The following CHST11 variants were observed in gnomAD, a reference collection of about 807,000 sequenced individuals.
CHST11 encodes the protein C4S-1.
Under a neutral mutation model 30.4 loss-of-function variants are expected in CHST11, and 9 were observed. That is an observed-to-expected ratio of 0.30 (90% confidence interval 0.18 to 0.52). The LOEUF (loss-of-function observed/expected upper bound fraction) is 0.52, where lower values mean the gene tolerates loss of function less well. Ranked by LOEUF, CHST11 falls within the 20% of genes least tolerant of loss-of-function variation. The pLI is 0.97. For missense variants in CHST11, 348 were observed against 460.6 expected (o/e 0.76, Z 2.24); for synonymous variants, 152 against 187.8 (o/e 0.81, Z 1.56).
intron 2 of CHST11, among the ~76,000 whole-genome samples, chr12:104,704,097 A>G (rs1414061103): frequency 2.0e-5 from 3 of 152,222 alleles, no homozygotes; most frequent in African/African-American, 7.2e-5. Flanking sequence ...CGGAAGGTGT[A>G]GAGACGAGCC....
rs148184053 is a variant in CHST11, at chr12:104,555,864, C to G, written c.119-46042C>G. On this transcript the variant is annotated intron_variant, in intron 1 of 2. Transcript: ENST00000303694. ...GTGTTGGCAGCCGCACAAAGGCAGCCCTGGGGGCGTCCAGCCCCTGCTGCT... is the reference window on the plus strand; with the variant it reads ...GTGTTGGCAGCCGCACAAAGGCAGCGCTGGGGGCGTCCAGCCCCTGCTGCT... 5.3e-3 allele frequency among the ~76,000 whole-genome samples: 813 copies of G among 152,350 alleles called. 7 individuals are homozygous for G. Among genetic ancestry groups the G allele is most frequent in the South Asian group, 0.017 (80 of 4,826 alleles).
chr12:104,521,738 G>A (rs1166095784), intron 1 of CHST11, among the ~76,000 whole-genome samples: 2 of 152,180 alleles, frequency 1.3e-5, no homozygotes, highest in Non-Finnish European at 2.9e-5. Context: ...GTGATTCTTT[G>A]ATTCTATGCC....
intron 1 of CHST11, among the ~76,000 whole-genome samples, chr12:104,595,022 A>G (rs546551759): frequency 6.6e-6 from 1 of 152,290 alleles, no homozygotes; most frequent in African/African-American, 2.4e-5. Flanking sequence ...AATGTTAGTC[A>G]TTGCTAAGGA....
chr12:104,692,605 C>G (rs1362226722), intron 2 of CHST11, among the ~76,000 whole-genome samples: 2 of 152,136 alleles, frequency 1.3e-5, no homozygotes, highest in African/African-American at 4.8e-5. Context: ...CCTAATGCCC[C>G]TGGCCACAGA....
At chr12:104,578,200 A>G (rs2038703900) in intron 1 of CHST11, among the ~76,000 whole-genome samples, 1 of 152,204 alleles carries the variant, frequency 6.6e-6, no homozygotes, top group Non-Finnish European at 1.5e-5. Context: ...ACCTGAGGTC[A>G]CATCGCTGGT....
chr12:104,699,341 A>G (rs1481779570), intron 2 of CHST11, among the ~76,000 whole-genome samples: 2 of 152,264 alleles, frequency 1.3e-5, no homozygotes, highest in African/African-American at 4.8e-5. Context: ...AAAGAGTACA[A>G]AGAAAGTAAA....
chr12:104,593,559 T>C (rs1485362873), intron 1 of CHST11, among the ~76,000 whole-genome samples: 1 of 152,188 alleles, frequency 6.6e-6, no homozygotes, highest in African/African-American at 2.4e-5. Context: ...GGATATCGGG[T>C]CAACATTTGG....
chr12:104,573,293 G>C (rs368653755), intron 1 of CHST11, among the ~76,000 whole-genome samples: 7 of 152,068 alleles, frequency 4.6e-5, no homozygotes, highest in Admixed American at 4.6e-4. Flanking sequence ...CCCAAGGTAA[G>C]TTATAGATTC....
chr12:104,717,877 G>A (rs1332737004), intron 2 of CHST11, among the ~76,000 whole-genome samples: 2 of 152,122 alleles, frequency 1.3e-5, no homozygotes, highest in African/African-American at 4.8e-5. Flanking sequence ...TTGAACCCAG[G>A]AGGCATAGGT....
intron 2 of CHST11, among the ~76,000 whole-genome samples, chr12:104,661,110 G>T (rs1033423693): frequency 2.6e-5 from 4 of 152,132 alleles, no homozygotes; most frequent in African/African-American, 9.7e-5. Flanking sequence ...ACATAGCTTC[G>T]CCTGAGTTCT....
Position 104,475,661 on chromosome 12 carries a change from TATATATATA to T in CHST11, c.118+18133_118+18141del, listed in dbSNP as rs1565954795. Among the ~76,000 whole-genome samples the T allele has an allele frequency of 7.0e-3, 675 of 96,076 alleles. 13 individuals are homozygous for T. Among genetic ancestry groups the T allele is most frequent in the African/African-American group, 0.021 (609 of 29,056 alleles). The allele number at this position is 96,076 out of a possible 152,430, so 63.0% of individuals were successfully genotyped here. On this transcript the variant is annotated intron_variant, in intron 1 of 2. Transcript: ENST00000303694. ...GATGCCTCAGAGTAAAGCAGCATTATATATATATATATATATATATATATATATATTTCT... is the reference window on the plus strand; with the variant it reads ...GATGCCTCAGAGTAAAGCAGCATTATTATATATATATATATATATATTTCT...
chr12:104,660,670 C>T (rs1241088685), intron 2 of CHST11, among the ~76,000 whole-genome samples: 1 of 152,136 alleles, frequency 6.6e-6, no homozygotes, highest in Non-Finnish European at 1.5e-5. Flanking sequence ...CTCCTTCTAT[C>T]CCAGGCCCTT....
intron 1 of CHST11, among the ~76,000 whole-genome samples, chr12:104,468,493 G>A (rs2037479910): frequency 6.6e-6 from 1 of 152,126 alleles, no homozygotes; most frequent in South Asian, 2.1e-4. Context: ...CATATCCGCT[G>A]CTCTGAACAT....
chr12:104,646,135 A>C (rs141476798), intron 2 of CHST11, among the ~76,000 whole-genome samples: 1 of 151,904 alleles, frequency 6.6e-6, no homozygotes, highest in Admixed American at 6.6e-5. Flanking sequence ...GAGAAGTTGC[A>C]TTTCATATCC....
At chr12:104,506,456 G>A (rs2037905055) in intron 1 of CHST11, among the ~76,000 whole-genome samples, 1 of 152,334 alleles carries the variant, frequency 6.6e-6, no homozygotes, top group Admixed American at 6.5e-5. Flanking sequence ...GACTTGACCA[G>A]GATGGACGGT....
At chr12:104,546,417 A>G (rs1795868) in intron 1 of CHST11, among the ~76,000 whole-genome samples, 83,002 of 150,302 alleles carry the variant, frequency 0.55, 24,053 homozygotes, top group East Asian at 0.98. Context: ...GCAGTGAGCT[A>G]TGATCTTGCC....
At chr12:104,564,638 C>T (rs924173976) in intron 1 of CHST11, among the ~76,000 whole-genome samples, 3 of 152,172 alleles carry the variant, frequency 2.0e-5, no homozygotes, top group South Asian at 4.1e-4. Context: ...TTAAATCTTG[C>T]CTCTTTTTTC....
chr12:104,618,128 C>T (rs1176670927), intron 2 of CHST11, among the ~76,000 whole-genome samples: 2 of 151,688 alleles, frequency 1.3e-5, no homozygotes, highest in African/African-American at 4.8e-5. Flanking sequence ...AGGCTGGTCT[C>T]GAACTCCTGA....
At chr12:104,638,065 T>G (rs912671106) in intron 2 of CHST11, among the ~76,000 whole-genome samples, 1 of 152,120 alleles carries the variant, frequency 6.6e-6, no homozygotes, top group Admixed American at 6.5e-5. Flanking sequence ...CACCAGGCAA[T>G]GGTTTACCAG....
Sources: allele counts gnomAD v4.1 joint callset (sites outside exome capture counted in the v4.1 genomes callset), GRCh38; gene constraint gnomAD v4.1.1; transcripts MANE v1.5; gene names NCBI Gene and HGNC (gene_info 2026-07-23, HGNC 2026-07-21).